The following ST7 variants were observed in gnomAD, a reference collection of about 807,000 sequenced individuals.
ST7 encodes suppression of tumorigenicity 7.
Under a neutral mutation model 78.7 loss-of-function variants are expected in ST7, and 28 were observed. That is an observed-to-expected ratio of 0.36 (90% CI 0.26 to 0.49). The LOEUF is 0.49. Among genes scored for constraint, ST7 ranks in the 20% least tolerant of loss-of-function variants. The pLI, the probability that ST7 is intolerant of heterozygous loss-of-function variation, is 0.99. For synonymous variants in ST7, 247 were observed against 249.6 expected, an observed-to-expected ratio of 0.99 and a Z score of 0.10; for missense variants, 418 against 696.0, an observed-to-expected ratio of 0.60 and a Z score of 4.49.
chr7:117,173,119 A>G (rs1808120575), intron 10 of ST7, among the ~76,000 whole-genome samples: 1 of 152,186 alleles, frequency 6.6e-6, no homozygotes, highest in Non-Finnish European at 1.5e-5. Context: ...TTTTGTTGCA[A>G]ATGGACAAAC....
chr7:117,184,950 T>C (rs553880467), intron 10 of ST7, among the ~76,000 whole-genome samples: 1 of 152,204 alleles, frequency 6.6e-6, no homozygotes, highest in Non-Finnish European at 1.5e-5. Context: ...TGTCGAAATA[T>C]TAAGTTTAAA....
intron 13 of ST7, among the ~76,000 whole-genome samples, chr7:117,218,329 C>T (rs549443128): frequency 5.8e-4 from 89 of 152,216 alleles, no homozygotes; most frequent in African/African-American, 2.1e-3. Flanking sequence ...GTGAGACTAA[C>T]ATGCTGATGA....
At chr7:117,005,273 T>C (rs1795110538) in intron 1 of ST7, among the ~76,000 whole-genome samples, 1 of 152,186 alleles carries the variant, frequency 6.6e-6, no homozygotes, top group Non-Finnish European at 1.5e-5. Flanking sequence ...TCTTGTGACT[T>C]GTGAGAACAA....
At chr7:117,001,627 G>A (rs571418530) in intron 1 of ST7, among the ~76,000 whole-genome samples, 1 of 152,120 alleles carries the variant, frequency 6.6e-6, no homozygotes, top group Non-Finnish European at 1.5e-5. Context: ...TTGGAAGAAG[G>A]TATATCTTAT....
At chr7:116,972,953 C>T (rs1353655615) in intron 1 of ST7, 4 of 1,120,984 alleles carry the variant, frequency 3.6e-6, no homozygotes, top group Non-Finnish European at 5.3e-6. Flanking sequence ...TTCCTGCCTC[C>T]TCTGCTTGGT....
chr7:117,055,105 A>G (rs938897310), intron 1 of ST7, among the ~76,000 whole-genome samples: 10 of 152,224 alleles, frequency 6.6e-5, no homozygotes, highest in Non-Finnish European at 1.3e-4. Flanking sequence ...GTAATTCACT[A>G]TACCAAGGAT....
At chr7:116,968,576 T>C in intron 1 of ST7, 1 of 312,296 alleles carries the variant, frequency 3.2e-6, no homozygotes, top group Non-Finnish European at 6.6e-6. Context: ...GTCATACTAT[T>C]AGCGAGTCGC....
chr7:117,032,623 A>T (rs944217200), intron 1 of ST7, among the ~76,000 whole-genome samples: 1 of 152,224 alleles, frequency 6.6e-6, no homozygotes, highest in Non-Finnish European at 1.5e-5. Context: ...ATTATTTGGC[A>T]TTACTTGCAG....
rs751186201 is a variant in ST7, at chr7:117,159,890, G to A, written c.964-10972G>A. Among the ~76,000 whole-genome samples, 57 of 149,430 alleles carry A rather than the reference G, an allele frequency of 3.8e-4. 1 individual carries two copies. The highest frequency in any genetic ancestry group is 2.5e-3 in the Admixed American group (37 of 15,004). ...CCTGGGCGACAGAGCAAGAAACTCC[G>A]TCTCAAAAAACAAAACAAACAAAAA... On this transcript the variant is annotated intron_variant, in intron 9 of 15. Transcript: ENST00000323984.
chr7:116,982,473 C>G (rs986330428), intron 1 of ST7, among the ~76,000 whole-genome samples: 8 of 152,176 alleles, frequency 5.3e-5, no homozygotes, highest in Non-Finnish European at 1.2e-4. Flanking sequence ...ATCCGCCTGC[C>G]TCGGCCTCCC....
At chr7:117,102,048 C>T (rs1563082456) in intron 2 of ST7, among the ~76,000 whole-genome samples, 2 of 152,106 alleles carry the variant, frequency 1.3e-5, no homozygotes, top group Non-Finnish European at 2.9e-5. Flanking sequence ...AAAATAAAGA[C>T]CCTGTAGAAA....
chr7:117,161,753 T>C (rs1046073361), intron 9 of ST7, among the ~76,000 whole-genome samples: 2 of 151,448 alleles, frequency 1.3e-5, no homozygotes, highest in Non-Finnish European at 3.0e-5. Flanking sequence ...GTGTGAGCCA[T>C]CACATCCAGC....
chr7:117,185,900 G>T (rs1809215550), intron 10 of ST7, among the ~76,000 whole-genome samples: 1 of 152,118 alleles, frequency 6.6e-6, no homozygotes, highest in South Asian at 2.1e-4. Flanking sequence ...TCTAGCCTGG[G>T]CGACAGAGCG....
chr7:117,119,364 T>C (rs1207180760), intron 2 of ST7, among the ~76,000 whole-genome samples, 197 bp from the exon 3 acceptor site: 1 of 152,216 alleles, frequency 6.6e-6, no homozygotes, highest in Non-Finnish European at 1.5e-5. Flanking sequence ...TTGAAACCAG[T>C]ATTAAGCAGA....
At chr7:117,130,696 C>A in intron 5 of ST7, 90 bp downstream of exon 5, 1 of 830,948 alleles carries the variant, frequency 1.2e-6, no homozygotes, top group Non-Finnish European at 1.9e-6. Flanking sequence ...CTCTGTAAAA[C>A]TCCAATGAAT....
intron 1 of ST7, chr7:117,022,887 A>T (rs897566159): frequency 6.6e-6 from 1 of 152,100 alleles, no homozygotes; most frequent in South Asian, 2.1e-4. Context: ...ATTTTTGCCC[A>T]TGTTTATACC....
intron 1 of ST7, among the ~76,000 whole-genome samples, chr7:117,056,038 G>A (rs1798045974): frequency 6.6e-6 from 1 of 152,102 alleles, no homozygotes; most frequent in Non-Finnish European, 1.5e-5. Context: ...AGTCTTGTTT[G>A]TCTTTTCACG....
intron 9 of ST7, among the ~76,000 whole-genome samples, chr7:117,153,158 G>A (rs749253609): frequency 3.3e-5 from 5 of 152,156 alleles, no homozygotes; most frequent in East Asian, 1.9e-4. Flanking sequence ...CATAGATAAC[G>A]TCTGGATTTC....
chr7:117,152,430 G>C (rs1806366324), intron 9 of ST7, among the ~76,000 whole-genome samples: 1 of 151,542 alleles, frequency 6.6e-6, no homozygotes, highest in Non-Finnish European at 1.5e-5. Flanking sequence ...CCTCTGTGAG[G>C]CTCTTCTCAG....
Sources: allele counts gnomAD v4.1 joint callset (sites outside exome capture counted in the v4.1 genomes callset), GRCh38; gene constraint gnomAD v4.1.1; transcripts MANE v1.5; gene names NCBI Gene and HGNC (gene_info 2026-07-23, HGNC 2026-07-21).